Variants in ILDR2 observed in about 807,000 individuals in gnomAD.
The protein encoded by ILDR2 is immunoglobulin like domain containing receptor 2, also known as immunoglobulin-like domain-containing receptor 2.
A neutral mutation model predicts 66.8 loss-of-function variants in ILDR2; 25 were observed. The observed-to-expected ratio is 0.37, with a 90% CI of 0.27 to 0.52. ILDR2 has a LOEUF of 0.52. Ranked by LOEUF, ILDR2 falls within the 20% of genes least tolerant of loss-of-function variation. ILDR2 has a pLI of 0.88. For missense variants in ILDR2, 827 were observed against 876.8 expected (o/e 0.94, Z 0.72); for synonymous variants, 367 against 357.2 (o/e 1.03, Z -0.31).
intron 1 of ILDR2, 24 bp from the exon 2 acceptor site, chr1:166,958,125 C>T (rs749155409): frequency 7.9e-5 from 125 of 1,579,136 alleles, no homozygotes; most frequent in African/African-American, 1.5e-4. Context: ...TAAACATGTC[C>T]GAACAGTGTC....
At chr1:166,920,552 C>G (rs1052807475) in intron 9 of ILDR2, 155 bp downstream of exon 9, 55 of 476,980 alleles carry the variant, frequency 1.2e-4, no homozygotes, top group Non-Finnish European at 3.0e-5. Flanking sequence ...GCCTAGCATC[C>G]GCGGACGAAC....
At chr1:166,941,904 A>G (rs954970962) in intron 3 of ILDR2, among the ~76,000 whole-genome samples, 1 of 152,236 alleles carries the variant, frequency 6.6e-6, no homozygotes, top group African/African-American at 2.4e-5. Context: ...ATTAACTATA[A>G]AAATCCATAC....
intron 3 of ILDR2, among the ~76,000 whole-genome samples, chr1:166,945,729 G>A (rs1342147194): frequency 6.6e-6 from 1 of 152,160 alleles, no homozygotes; most frequent in Admixed American, 6.5e-5. Flanking sequence ...TAATGCATTG[G>A]AACTTAGGAA....
At chr1:166,903,189 AG>A (rs1248064931), downstream of ILDR2, among the ~76,000 whole-genome samples, 3 of 152,232 alleles carry the variant, frequency 2.0e-5, no homozygotes, top group African/African-American at 7.2e-5. Flanking sequence ...CTTAGAAAAA[AG>A]TCCACATTTC....
intron 4 of ILDR2, among the ~76,000 whole-genome samples, chr1:166,937,269 T>C (rs887618820): frequency 2.6e-5 from 4 of 152,228 alleles, no homozygotes; most frequent in Non-Finnish European, 5.9e-5. Context: ...CCTTTTGTAA[T>C]GTATTCACCT....
Position 166,936,705 on chromosome 1 carries a change from C to T in ILDR2, c.589G>A (p.Val197Ile), listed in dbSNP as rs780442017. ...WVFVGLVLLGVFLFFVLVGIC... is the reference protein window; with the variant it reads ...WVFVGLVLLGIFLFFVLVGIC... ...CCCACCAGGACGAAGAAGAGGAAGA[C>T]GCCCAGGAGCACCAGGCCAACAAAC... Residue 197 changes from valine (V) to isoleucine (I), a missense_variant, in exon 5 of 10, where the codon GTC (valine) becomes ATC (isoleucine). Physicochemically the swap from Val to Ile is conservative, Grantham distance 29. Transcript: ENST00000271417. The surrounding 1 kb of genome is among the most constrained non-coding windows in gnomAD (Gnocchi z 5.0). 47 of 1,613,982 alleles carry T rather than the reference C, an allele frequency of 2.9e-5. No individual in the cohort carries two copies. The highest frequency in any genetic ancestry group is 1.4e-4 in the South Asian group (13 of 91,082).
downstream of ILDR2, among the ~76,000 whole-genome samples, chr1:166,907,402 T>G (rs1456922836): frequency 6.6e-6 from 1 of 152,212 alleles, no homozygotes; most frequent in Non-Finnish European, 1.5e-5. Flanking sequence ...AAAATCCACC[T>G]TCATGTGAGA....
In ILDR2 at chr1:166,919,069, G is replaced by C. The variant is rs1186499520; in HGVS notation, c.*286C>G. 1 of 471,884 alleles carries C rather than the reference G, an allele frequency of 2.1e-6. No individual in the cohort carries two copies. Among genetic ancestry groups the C allele is most frequent in the Non-Finnish European group, 3.7e-6 (1 of 267,168 alleles). The allele number at this position is 471,884 out of a possible 1,614,324, so 29.2% of individuals were successfully genotyped here. On this transcript the variant is annotated 3_prime_UTR_variant, in exon 10 of 10. Coordinates refer to ENST00000271417, the MANE Select transcript of ILDR2 (RefSeq NM_199351.3). ...CAAATGGAGTCCTGGTTCTGTTAAG[G>C]GAGGAGGCTGGGCAGGATAAACGCT...
chr1:166,970,633 C>T (rs1381200338), intron 1 of ILDR2, among the ~76,000 whole-genome samples: 1 of 152,198 alleles, frequency 6.6e-6, no homozygotes, highest in Admixed American at 6.5e-5. Context: ...AATACTAACA[C>T]TGAACTAAGC....
In ILDR2 at chr1:166,936,283, C is replaced by T. The variant is rs1228827324; in HGVS notation, c.703+308G>A. ...GTTTGAATGCCCCAGGGAGAGGGAA[C>T]AGTCTTACACCACAACCTCACCACG... On this transcript the variant is annotated intron_variant, in intron 5 of 9. Coordinates refer to ENST00000271417, the MANE Select transcript of ILDR2 (RefSeq NM_199351.3). The surrounding 1 kb of genome is among the most constrained non-coding windows in gnomAD (Gnocchi z 5.0). 6.6e-6 allele frequency among the ~76,000 whole-genome samples: 1 copy of T among 152,322 alleles called. No homozygotes were observed. Among genetic ancestry groups the T allele is most frequent in the South Asian group, 2.1e-4 (1 of 4,828 alleles).
In ILDR2 at chr1:166,956,772, C is replaced by T; in HGVS notation, c.460G>A (p.Glu154Lys). 1 of 1,613,986 alleles carries T rather than the reference C, an allele frequency of 6.2e-7. No homozygotes were observed. Among genetic ancestry groups the T allele is most frequent in the Non-Finnish European group, 8.5e-7 (1 of 1,179,924 alleles). The change falls in exon 3 of 10, where the codon GAG becomes AAG. Residue 154 changes from glutamate (E) to lysine (K), a missense_variant. Physicochemically the swap from Glu to Lys is moderately conservative, Grantham distance 56. Around this residue, in one of 2 missense-constraint regions of ILDR2, gnomAD observed 437 missense variants for 523.2 expected, o/e 0.84. Coordinates refer to ENST00000271417, the MANE Select transcript of ILDR2 (RefSeq NM_199351.3). The stretch of plus-strand genomic sequence containing the variant: ...TCCACTGAGTCCTCATTTTTCCCCT[C>T]CAGGTCATCTGGGGTGGTGATAATA... ...YCIITTPDDL[E>K]GKNEDSVELL...
Position 166,910,038 on chromosome 1 carries a change from T to C in ILDR2, c.*9317A>G, listed in dbSNP as rs953740671. On this transcript the variant is annotated 3_prime_UTR_variant, in exon 10 of 10. Coordinates refer to ENST00000271417, the MANE Select transcript of ILDR2 (RefSeq NM_199351.3). Reference sequence around the variant, plus strand: ...AGAGAACAAGAGACAGAGAGATTGATTCATCTTTGTACAGCTGAAGACTAG... The same window carrying C: ...AGAGAACAAGAGACAGAGAGATTGACTCATCTTTGTACAGCTGAAGACTAG... 1 of 151,894 alleles carries C rather than the reference T, an allele frequency of 6.6e-6. No homozygotes were observed. Among genetic ancestry groups the C allele is most frequent in the Non-Finnish European group, 1.5e-5 (1 of 67,992 alleles). 9.4% of individuals were successfully genotyped at this position (151,894 alleles called of 1,614,324 possible).
intron 1 of ILDR2, among the ~76,000 whole-genome samples, chr1:166,964,346 G>A (rs1004977440): frequency 2.0e-5 from 3 of 152,028 alleles, no homozygotes; most frequent in Admixed American, 6.6e-5. Context: ...GAAACACTAC[G>A]CTAAGTTCTG....
At chr1:166,931,265 C>T (rs1017090473) in intron 6 of ILDR2, among the ~76,000 whole-genome samples, 1 of 152,160 alleles carries the variant, frequency 6.6e-6, no homozygotes, top group African/African-American at 2.4e-5. Context: ...GTAAAACTTG[C>T]AAAAGAAGTC....
In ILDR2 at chr1:166,920,733, T is replaced by G; in HGVS notation, c.1858A>C (p.Arg620=). The change falls in exon 9 of 10, where the codon AGG becomes CGG. Residue 620 remains arginine, a synonymous_variant. Coordinates refer to ENST00000271417, the MANE Select transcript of ILDR2 (RefSeq NM_199351.3). ...LPYHSNSEKK[R]KKEPAKKTND... is the part of the protein sequence containing the mutation. ...GTTTTCTTGGCGGGCTCCTTTTTCC[T>G]CTTCTTCTCCGAGTTGCTGTGGTAG... 1 of 1,446,226 alleles carries G rather than the reference T, an allele frequency of 6.9e-7. No individual in the cohort carries two copies. The highest frequency in any genetic ancestry group is 9.1e-7 in the Non-Finnish European group (1 of 1,096,758). 89.6% of individuals were successfully genotyped at this position (1,446,226 alleles called of 1,614,324 possible).
chr1:166,970,309 A>G (rs1371845500), intron 1 of ILDR2, among the ~76,000 whole-genome samples: 2 of 152,068 alleles, frequency 1.3e-5, no homozygotes, highest in Non-Finnish European at 2.9e-5. Flanking sequence ...CATTCCAATC[A>G]TTAATGGTTT....
At chr1:166,897,036 G>C (rs941189541) in intron 2 of ILDR2, among the ~76,000 whole-genome samples, 9 of 152,284 alleles carry the variant, frequency 5.9e-5, no homozygotes, top group African/African-American at 1.9e-4. Flanking sequence ...ACGCAATTGG[G>C]AACCATTGAG....
chr1:166,921,153 G>T lies in ILDR2; in HGVS notation c.1438C>A (p.Gln480Lys). 2 of 1,536,970 alleles carry T rather than the reference G, an allele frequency of 1.3e-6. No homozygotes were observed. Among genetic ancestry groups the T allele is most frequent in the South Asian group, 2.4e-5 (2 of 84,000 alleles). Residue 480 changes from glutamine (Q) to lysine (K), a missense_variant, in exon 9 of 10, where the codon CAG (glutamine) becomes AAG (lysine). Physicochemically the swap from Gln to Lys is moderately conservative, Grantham distance 53 (BLOSUM62 1). Coordinates refer to ENST00000271417, the MANE Select transcript of ILDR2 (RefSeq NM_199351.3). The surrounding 1 kb of genome is among the most constrained non-coding windows in gnomAD (Gnocchi z 5.3). ...QDDSLEEYYG[Q>K]RSRSREPLTD... ...AGGGGCTCGCGGCTGCGGCTGCGCTGACCGTAGTACTCCTCCAAGGAGTCG... is the reference window on the plus strand; with the variant it reads ...AGGGGCTCGCGGCTGCGGCTGCGCTTACCGTAGTACTCCTCCAAGGAGTCG...
intron 6 of ILDR2, among the ~76,000 whole-genome samples, chr1:166,930,599 C>CACAT (rs1331868037): frequency 6.6e-6 from 1 of 152,154 alleles, no homozygotes; most frequent in Non-Finnish European, 1.5e-5. Context: ...GGCTCTATGT[C>CACAT]ACATACATTC....
Sources: gnomAD v4.1 joint callset for allele counts (sites outside exome capture counted in the v4.1 genomes callset) on GRCh38, gnomAD v4.1.1 for gene constraint, gnomAD v4.1.1 regional missense constraint, Gnocchi (gnomAD v3.1) non-coding constraint, MANE v1.5 for transcripts, NCBI Gene and HGNC (gene_info 2026-07-23, HGNC 2026-07-21) for gene names.